NTNG2: variants seen among roughly 807,000 people sequenced by gnomAD.
NTNG2 encodes netrin-G2.
NTNG2 carries 15 observed loss-of-function variants against 47.6 expected under a neutral mutation model. That is an observed-to-expected ratio of 0.32 (90% CI 0.21 to 0.49). NTNG2 has a LOEUF of 0.49. Among genes scored for constraint, NTNG2 ranks in the 20% least tolerant of loss-of-function variants. The pLI is 0.99. For synonymous variants in NTNG2, 307 were observed against 324.6 expected (o/e 0.95, Z 0.58); for missense variants, 578 against 764.6 (o/e 0.76, Z 2.88).
intron 3 of NTNG2, among the ~76,000 whole-genome samples, chr9:132,203,679 C>A (rs1838953872): frequency 6.6e-6 from 1 of 152,242 alleles, no homozygotes; most frequent in Admixed American, 6.5e-5. Flanking sequence ...CTGAAATGCT[C>A]AGTGTCCTCC....
Position 132,162,136 on chromosome 9 carries a change from C to T in NTNG2, c.-587C>T, listed in dbSNP as rs1440390156. ...GAGCAGCGGCTCGCAGCCCTCGGCC[C>T]GCGCCCCCACCCAGCGCCAGCCCGA... On this transcript the variant is annotated 5_prime_UTR_variant, in exon 1 of 8. Coordinates refer to ENST00000393229, the MANE Select transcript of NTNG2 (RefSeq NM_032536.4). The surrounding 1 kb of genome is among the most constrained non-coding windows in gnomAD (Gnocchi z 4.6). 3.9e-5 allele frequency: 6 copies of T among 152,120 alleles called. No individual in the cohort carries two copies. Among genetic ancestry groups the T allele is most frequent in the African/African-American group, 1.2e-4 (5 of 41,320 alleles). 9.4% of individuals were successfully genotyped at this position (152,120 alleles called of 1,614,324 possible). A position where few individuals can be genotyped will look rare whatever the true frequency, so the allele number is the denominator to read the frequency against.
At position 132,166,612 on chromosome 9, in the gene NTNG2, G is replaced by A; in HGVS notation, c.-220G>A. On this transcript the variant is annotated 5_prime_UTR_variant, in exon 2 of 8. Coordinates refer to ENST00000393229, the MANE Select transcript of NTNG2 (RefSeq NM_032536.4). ...GGGCAACTTTCTGATCTGTCCATCA[G>A]CAGTCTGAGAAACGCTGGCTCTGAA... is the stretch of plus-strand genomic sequence containing the variant. The A allele has an allele frequency of 1.7e-6, 1 of 582,778 alleles. No homozygotes were observed. The highest frequency in any genetic ancestry group is 3.1e-6 in the Non-Finnish European group (1 of 325,542). 36.1% of individuals were successfully genotyped at this position (582,778 alleles called of 1,614,324 possible).
chr9:132,174,408 C>T (rs943615289), intron 2 of NTNG2, among the ~76,000 whole-genome samples: 2 of 151,852 alleles, frequency 1.3e-5, no homozygotes, highest in Non-Finnish European at 1.5e-5. Flanking sequence ...CACCATGCTG[C>T]GGATGAGAAC....
In NTNG2 at chr9:132,243,977, A is replaced by G. The variant is rs1178445281; in HGVS notation, c.*1866A>G. The G allele has an allele frequency of 6.6e-6, 1 of 152,140 alleles. No individual in the cohort carries two copies. Among genetic ancestry groups the G allele is most frequent in the Admixed American group, 6.5e-5 (1 of 15,268 alleles). 9.4% of individuals were successfully genotyped at this position (152,140 alleles called of 1,614,324 possible). The stretch of plus-strand genomic sequence containing the variant: ...CATTCTTCCTTACGCACAGAACCCC[A>G]CTGCCTGGGACCCAAAGTGCCCAGA... On this transcript the variant is annotated 3_prime_UTR_variant, in exon 8 of 8. Coordinates refer to ENST00000393229, the MANE Select transcript of NTNG2 (RefSeq NM_032536.4).
At chr9:132,239,045 C>A in intron 5 of NTNG2, 59 bp from the exon 6 acceptor site, 1 of 1,551,932 alleles carries the variant, frequency 6.4e-7, no homozygotes, top group Non-Finnish European at 8.9e-7. Flanking sequence ...CTCGCCCTGT[C>A]CCTCAGTTTC....
At chr9:132,241,339 C>A (rs1346094553) in intron 7 of NTNG2, 7 of 479,594 alleles carry the variant, frequency 1.5e-5, no homozygotes, top group Non-Finnish European at 2.2e-5. Flanking sequence ...GTGGACGGGG[C>A]CTAGCGAGAC....
intron 2 of NTNG2, among the ~76,000 whole-genome samples, chr9:132,191,936 G>C (rs988957575): frequency 1.3e-5 from 2 of 152,162 alleles, no homozygotes; most frequent in Non-Finnish European, 2.9e-5. Flanking sequence ...GATTTTTGTT[G>C]TTGTTTTAAT....
chr9:132,168,135 A>C (rs949476913), intron 2 of NTNG2, among the ~76,000 whole-genome samples: 1 of 152,210 alleles, frequency 6.6e-6, no homozygotes. Flanking sequence ...GGGTAAAGGC[A>C]TCTGGCCAAG....
chr9:132,241,070 C>T (rs776741370), intron 7 of NTNG2, 26 bp downstream of exon 7: 9 of 1,570,434 alleles, frequency 5.7e-6, no homozygotes, highest in East Asian at 2.3e-5. Context: ...CCCCCGTGGG[C>T]GGGGCCTGCG....
intron 2 of NTNG2, among the ~76,000 whole-genome samples, chr9:132,189,090 T>TTTTTTTTTTTTTTTTTTTTTG (rs1256542210): frequency 1.5e-5 from 2 of 137,918 alleles, no homozygotes; most frequent in African/African-American, 2.8e-5. Flanking sequence ...TTTTTTTTTT[T>TTTTTTTTTTTTTTTTTTTTTG]TTTTTAGACA....
chr9:132,214,739 C>T (rs1839848312), intron 3 of NTNG2, among the ~76,000 whole-genome samples: 2 of 152,138 alleles, frequency 1.3e-5, no homozygotes, highest in South Asian at 2.1e-4. Flanking sequence ...AGATGAAATA[C>T]GGGATACCCA....
intron 2 of NTNG2, among the ~76,000 whole-genome samples, chr9:132,184,470 CT>C (rs2131375729): frequency 6.6e-6 from 1 of 152,334 alleles, no homozygotes; most frequent in South Asian, 2.1e-4. Context: ...TCCCTTGGGA[CT>C]GGGGGGCAGT....
At chr9:132,199,691 G>A (rs1051832192) in intron 3 of NTNG2, among the ~76,000 whole-genome samples, 8 of 149,530 alleles carry the variant, frequency 5.4e-5, no homozygotes, top group Admixed American at 2.6e-4. Flanking sequence ...CCCAAGACCC[G>A]CAGGCAAACA....
At chr9:132,184,996 A>T (rs560409394) in intron 2 of NTNG2, among the ~76,000 whole-genome samples, 1 of 152,278 alleles carries the variant, frequency 6.6e-6, no homozygotes, top group South Asian at 2.1e-4. Flanking sequence ...GTTTGGACTT[A>T]AGAAGGGGAA....
At chr9:132,233,297 A>T (rs1180689170) in intron 5 of NTNG2, 1 of 152,152 alleles carries the variant, frequency 6.6e-6, no homozygotes, top group African/African-American at 2.4e-5. Flanking sequence ...ACACACACAC[A>T]TGCATGCACA....
intron 3 of NTNG2, among the ~76,000 whole-genome samples, chr9:132,199,096 A>G (rs914192041): frequency 6.6e-6 from 1 of 152,142 alleles, no homozygotes; most frequent in Non-Finnish European, 1.5e-5. Context: ...CACAGACCCA[A>G]TGCCTGAGCT....
At chr9:132,225,400 A>G (rs556962273) in intron 3 of NTNG2, among the ~76,000 whole-genome samples, 1 of 152,130 alleles carries the variant, frequency 6.6e-6, no homozygotes, top group African/African-American at 2.4e-5. Flanking sequence ...CCTCTTGAGT[A>G]GCTAGGACTG....
intron 2 of NTNG2, among the ~76,000 whole-genome samples, chr9:132,171,592 C>G (rs1412796475): frequency 2.6e-5 from 4 of 152,200 alleles, no homozygotes; most frequent in African/African-American, 9.7e-5. Context: ...CAGTTAGAAC[C>G]TGCTTTAGCT....
At position 132,222,574 on chromosome 9, in the gene NTNG2, C is replaced by T. The variant is rs543875855; in HGVS notation, c.858-4275C>T. Among the ~76,000 whole-genome samples, 17 of 152,344 alleles carry T rather than the reference C, an allele frequency of 1.1e-4. No individual in the cohort carries two copies. In the South Asian group the frequency reaches 2.9e-3, roughly 26 times the overall value. Reference sequence around the variant, plus strand: ...AGTGCTGCTGGCCAGGGCTCTTGCTCTGCCTCAGAATTCTGTTCCAGAGAA... The same window carrying T: ...AGTGCTGCTGGCCAGGGCTCTTGCTTTGCCTCAGAATTCTGTTCCAGAGAA... On this transcript the variant is annotated intron_variant, in intron 3 of 7. Transcript: ENST00000393229.
Sources: allele counts gnomAD v4.1 joint callset (sites outside exome capture counted in the v4.1 genomes callset), GRCh38; gene constraint gnomAD v4.1.1; non-coding constraint Gnocchi (gnomAD v3.1); transcripts MANE v1.5; gene names NCBI Gene and HGNC (gene_info 2026-07-23, HGNC 2026-07-21).